Variants in FAM171A2 observed in about 807,000 individuals in gnomAD.
FAM171A2 encodes protein FAM171A2.
In FAM171A2, 13 loss-of-function variants were observed where a neutral mutation model predicts 34.2. The observed-to-expected ratio is 0.38, with a 90% CI of 0.25 to 0.60. The LOEUF is 0.60. FAM171A2 is among the 20% of genes least tolerant of loss of function. The pLI, the probability that FAM171A2 is intolerant of heterozygous loss-of-function variation, is 0.62. For missense variants in FAM171A2, 950 were observed against 1,180.7 expected (o/e 0.80, Z 2.86); for synonymous variants, 475 against 561.2 (o/e 0.85, Z 2.17).
Position 44,354,574 on chromosome 17 carries a change from A to G in FAM171A2, c.1640T>C (p.Val547Ala). 1 of 1,219,130 alleles carries G rather than the reference A, an allele frequency of 8.2e-7. No homozygotes were observed. Among genetic ancestry groups the G allele is most frequent in the Non-Finnish European group, 1.0e-6 (1 of 979,034 alleles). 75.5% of individuals were successfully genotyped at this position (1,219,130 alleles called of 1,614,324 possible). ...MPTLVIPAHY[V>A]RLGGEAGAAG... is the part of the protein sequence containing the mutation. ...GGCGCCCGCCTCGCCGCCGAGGCGC[A>G]CGTAGTGCGCGGGGATCACCAGGGT... Residue 547 changes from valine to alanine, a missense_variant, in exon 8 of 8, where the codon GTG becomes GCG. By Grantham distance (64) the Val-to-Ala change is moderately conservative. This residue lies in a region of FAM171A2 where 752 missense variants were observed against 924.5 expected (regional missense o/e 0.81). Coordinates refer to ENST00000293443, the MANE Select transcript of FAM171A2 (RefSeq NM_198475.3). This position sits in a 1 kb window ranked among gnomAD's most constrained non-coding sequence, Gnocchi z 5.8.
chr17:44,360,505 T>C (rs980023586), intron 1 of FAM171A2, among the ~76,000 whole-genome samples: 24 of 152,216 alleles, frequency 1.6e-4, no homozygotes, highest in African/African-American at 5.1e-4. Context: ...TGATAATATA[T>C]GCTCTTAGTC....
At position 44,353,692 on chromosome 17, in the gene FAM171A2, G is replaced by C. The variant is rs1032146333; in HGVS notation, c.*41C>G. 1 of 1,259,306 alleles carries C rather than the reference G, an allele frequency of 7.9e-7. No individual in the cohort carries two copies. The highest frequency in any genetic ancestry group is 1.6e-5 in the African/African-American group (1 of 62,846). The allele number at this position is 1,259,306 out of a possible 1,614,324, so 78.0% of individuals were successfully genotyped here. A position where few individuals can be genotyped will look rare whatever the true frequency, so the allele number is the denominator to read the frequency against. ...CCCCCGGGGCGCGCACCCTGGGTGC[G>C]GGCCCGCGCGGGAGGGGCGGTGCCA... On this transcript the variant is annotated 3_prime_UTR_variant, in exon 8 of 8. Transcript: ENST00000293443.
intron 1 of FAM171A2, among the ~76,000 whole-genome samples, chr17:44,361,618 C>T (rs1041916640): frequency 1.3e-5 from 2 of 152,176 alleles, no homozygotes; most frequent in Non-Finnish European, 2.9e-5. Context: ...CCTCCCAGGC[C>T]AGAGCCCAAC....
Position 44,357,199 on chromosome 17 carries a change from T to G in FAM171A2, c.440-611A>C, listed in dbSNP as rs561056325. On this transcript the variant is annotated intron_variant, in intron 3 of 7. Coordinates refer to ENST00000293443, the MANE Select transcript of FAM171A2 (RefSeq NM_198475.3). The stretch of plus-strand genomic sequence containing the variant: ...CCTGACTCTCTTAAAAATACAAAAT[T>G]AGCTGGGTGTGGTGGTGCATTCCTG... 8.6e-5 allele frequency among the ~76,000 whole-genome samples: 13 copies of G among 151,706 alleles called. No individual in the cohort carries two copies. The South Asian group carries it at 2.7e-3, about 32-fold the overall frequency.
intron 3 of FAM171A2, among the ~76,000 whole-genome samples, chr17:44,357,806 A>G (rs1281036386): frequency 2.6e-5 from 4 of 151,752 alleles, no homozygotes; most frequent in African/African-American, 7.3e-5. Flanking sequence ...CAATATGGTC[A>G]CAGCTAACAT....
At chr17:44,363,100 C>A (rs1352127926) in intron 1 of FAM171A2, among the ~76,000 whole-genome samples, 1 of 152,104 alleles carries the variant, frequency 6.6e-6, no homozygotes, top group African/African-American at 2.4e-5. Context: ...CACAGCCTCA[C>A]CCACTCCCCC....
chr17:44,356,452 C>CAGGAAGGCACTG lies in FAM171A2; in HGVS notation c.575_576insCAGTGCCTTCCT (p.Leu192_Gly193insSerAlaPheLeu). ...TACCTGAGCTGGAGGCCTCAGTGCC[C>CAGGAAGGCACTG]AGGAAGGCAGGGAAAGCCCGCATTT... is the stretch of plus-strand genomic sequence containing the variant. On this transcript the variant is annotated inframe_insertion, in exon 4 of 8. Coordinates refer to ENST00000293443, the MANE Select transcript of FAM171A2 (RefSeq NM_198475.3). 1 of 1,551,066 alleles carries CAGGAAGGCACTG rather than the reference C, an allele frequency of 6.4e-7. No homozygotes were observed. Among genetic ancestry groups the CAGGAAGGCACTG allele is most frequent in the Non-Finnish European group, 8.7e-7 (1 of 1,146,956 alleles).
chr17:44,355,617 T>A lies in FAM171A2; in HGVS notation c.1022+98A>T, dbSNP rs1177238535. ...AGCATGTTTGCAGGAAGTCTTTTCCTGTCTGCCCCTTGAGGACCAGAAGTG... is the reference window on the plus strand; with the variant it reads ...AGCATGTTTGCAGGAAGTCTTTTCCAGTCTGCCCCTTGAGGACCAGAAGTG... On this transcript the variant is annotated intron_variant, in intron 7 of 7. Coordinates refer to ENST00000293443, the MANE Select transcript of FAM171A2 (RefSeq NM_198475.3). The surrounding 1 kb of genome is among the most constrained non-coding windows in gnomAD (Gnocchi z 4.1). 1.6e-5 allele frequency: 23 copies of A among 1,479,046 alleles called. No homozygotes were observed. The highest frequency in any genetic ancestry group is 1.9e-5 in the Non-Finnish European group (21 of 1,095,310). 91.6% of individuals were successfully genotyped at this position (1,479,046 alleles called of 1,614,324 possible).
chr17:44,354,954 C>T lies in FAM171A2; in HGVS notation c.1260G>A (p.Pro420=). Reference sequence around the variant, plus strand: ...CGGCGGCCGGGCGGCTGGCAGAGCGCGGCTTGGTGCGGAAGAAGTCATCCC... The same window carrying T: ...CGGCGGCCGGGCGGCTGGCAGAGCGTGGCTTGGTGCGGAAGAAGTCATCCC... ...SSRDDFFRTK[P]RSASRPAAEP... is the part of the protein sequence containing the mutation. The change falls in exon 8 of 8, where the codon CCG becomes CCA. Residue 420 remains proline (P), a synonymous_variant. Coordinates refer to ENST00000293443, the MANE Select transcript of FAM171A2 (RefSeq NM_198475.3). This position sits in a 1 kb window ranked among gnomAD's most constrained non-coding sequence, Gnocchi z 5.8. The T allele has an allele frequency of 6.9e-7, 1 of 1,448,254 alleles. No individual in the cohort carries two copies. Among genetic ancestry groups the T allele is most frequent in the Non-Finnish European group, 9.1e-7 (1 of 1,102,564 alleles). 89.7% of individuals were successfully genotyped at this position (1,448,254 alleles called of 1,614,324 possible).
chr17:44,354,857 G>A lies in FAM171A2; in HGVS notation c.1357C>T (p.Leu453=). The A allele has an allele frequency of 1.6e-6, 2 of 1,280,096 alleles. No homozygotes were observed. Among genetic ancestry groups the A allele is most frequent in the Non-Finnish European group, 2.0e-6 (2 of 1,016,328 alleles). The allele number at this position is 1,280,096 out of a possible 1,614,324, so 79.3% of individuals were successfully genotyped here. ...GARSAEGPGG[L]EPGLEEHRRG... ...CGGTGCTCCTCTAGGCCGGGCTCCAGCCCGCCGGGGCCCTCGGCCGAGCGA... is the reference window on the plus strand; with the variant it reads ...CGGTGCTCCTCTAGGCCGGGCTCCAACCCGCCGGGGCCCTCGGCCGAGCGA... The change falls in exon 8 of 8, where the codon CTG becomes TTG. Residue 453 remains leucine, a synonymous_variant. Transcript: ENST00000293443. This position sits in a 1 kb window ranked among gnomAD's most constrained non-coding sequence, Gnocchi z 5.8.
Position 44,354,142 on chromosome 17 carries a change from T to A in FAM171A2, c.2072A>T (p.Asp691Val). 1 of 1,210,418 alleles carries A rather than the reference T, an allele frequency of 8.3e-7. No individual in the cohort carries two copies. The highest frequency in any genetic ancestry group is 1.0e-6 in the Non-Finnish European group (1 of 968,430). 75.0% of individuals were successfully genotyped at this position (1,210,418 alleles called of 1,614,324 possible). Residue 691 changes from aspartate (D) to valine (V), a missense_variant, in exon 8 of 8, where the codon GAT becomes GTT. Transcript: ENST00000293443. The surrounding 1 kb of genome is among the most constrained non-coding windows in gnomAD (Gnocchi z 5.8). Reference protein sequence around the residue: ...STDASLDSGVDVHEARPARRR... With the variant: ...STDASLDSGVVVHEARPARRR... ...GCGCGCGGGCCGCGCCTCGTGGACA[T>A]CTACGCCCGAGTCCAGGCTGGCGTC...
intron 1 of FAM171A2, among the ~76,000 whole-genome samples, chr17:44,362,962 T>G (rs2048453851): frequency 2.0e-5 from 3 of 152,176 alleles, no homozygotes; most frequent in African/African-American, 4.8e-5. Flanking sequence ...GGCCCACAAC[T>G]GCGGCTCGTC....
intron 1 of FAM171A2, among the ~76,000 whole-genome samples, chr17:44,362,452 C>G (rs1037114010): frequency 3.2e-4 from 48 of 152,334 alleles, no homozygotes; most frequent in African/African-American, 1.1e-3. Flanking sequence ...ATCCGGACCC[C>G]ACTTCCCTCA....
intron 1 of FAM171A2, among the ~76,000 whole-genome samples, chr17:44,360,418 A>G (rs2048443719): frequency 6.6e-6 from 1 of 152,220 alleles, no homozygotes. Context: ...TGCCATCGTT[A>G]TAACTGGCAG....
rs920115048 is a variant in FAM171A2, at chr17:44,362,822, TG to T, written c.118+774del. On this transcript the variant is annotated intron_variant, in intron 1 of 7. Coordinates refer to ENST00000293443, the MANE Select transcript of FAM171A2 (RefSeq NM_198475.3). ...CAGGAATGCCAGGAGGCCTGCTGAA[TG>T]GGGGGGGACCCAGGCACCTGCCCTC... 2.4e-4 allele frequency among the ~76,000 whole-genome samples: 37 copies of T among 151,184 alleles called. No homozygotes were observed. In the East Asian group the frequency reaches 4.9e-3, roughly 20 times the overall value.
chr17:44,354,400 C>T lies in FAM171A2; in HGVS notation c.1814G>A (p.Gly605Glu). The change falls in exon 8 of 8, where the codon GGG becomes GAG. Residue 605 changes from glycine (G) to glutamate (E), a missense_variant. Transcript: ENST00000293443. This position sits in a 1 kb window ranked among gnomAD's most constrained non-coding sequence, Gnocchi z 5.8. ...ACTGACGGGCGCCGCGCGCCCGGCCCCCCAGCCCTCGCCGCCGCCCCCGCC... is the reference window on the plus strand; with the variant it reads ...ACTGACGGGCGCCGCGCGCCCGGCCTCCCAGCCCTCGCCGCCGCCCCCGCC... The part of the protein sequence containing the change: ...EGGGGGGEGW[G>E]AGRAAPVSGS... The T allele has an allele frequency of 8.2e-7, 1 of 1,224,450 alleles. No homozygotes were observed. The highest frequency in any genetic ancestry group is 1.0e-6 in the Non-Finnish European group (1 of 972,822). 75.8% of individuals were successfully genotyped at this position (1,224,450 alleles called of 1,614,324 possible).
At position 44,353,292 on chromosome 17, in the gene FAM171A2, A is replaced by G; in HGVS notation, c.*441T>C. The G allele has an allele frequency of 5.1e-6, 1 of 196,800 alleles. No homozygotes were observed. The allele number at this position is 196,800 out of a possible 1,614,324, so 12.2% of individuals were successfully genotyped here. On this transcript the variant is annotated 3_prime_UTR_variant, in exon 8 of 8. Coordinates refer to ENST00000293443, the MANE Select transcript of FAM171A2 (RefSeq NM_198475.3). Reference sequence around the variant, plus strand: ...ACCCCCTAGTCCCCAGAGCTGTCCCAGCCACCAGCCCTGTGACATCGTAGC... The same window carrying G: ...ACCCCCTAGTCCCCAGAGCTGTCCCGGCCACCAGCCCTGTGACATCGTAGC...
chr17:44,360,797 T>C (rs993068933), intron 1 of FAM171A2, among the ~76,000 whole-genome samples: 1 of 152,210 alleles, frequency 6.6e-6, no homozygotes, highest in Non-Finnish European at 1.5e-5. Flanking sequence ...ACTAGGAAAC[T>C]GGTCATTCCC....
chr17:44,355,856 G>A lies in FAM171A2; in HGVS notation c.896-15C>T. 1 of 1,551,564 alleles carries A rather than the reference G, an allele frequency of 6.4e-7. No individual in the cohort carries two copies. The highest frequency in any genetic ancestry group is 1.4e-5 in the African/African-American group (1 of 73,162). ...GGTGACCAGCCCTGTGCCAGGCGAG[G>A]GCTTAGCGTTCAGGTGTAGACACCC... On this transcript the variant is annotated splice_polypyrimidine_tract_variant and intron_variant, in intron 6 of 7. Coordinates refer to ENST00000293443, the MANE Select transcript of FAM171A2 (RefSeq NM_198475.3). This position sits in a 1 kb window ranked among gnomAD's most constrained non-coding sequence, Gnocchi z 4.1.
Sources: gnomAD v4.1 joint callset for allele counts (sites outside exome capture counted in the v4.1 genomes callset) on GRCh38, gnomAD v4.1.1 for gene constraint, gnomAD v4.1.1 regional missense constraint, Gnocchi (gnomAD v3.1) non-coding constraint, MANE v1.5 for transcripts, NCBI Gene and HGNC (gene_info 2026-07-23, HGNC 2026-07-21) for gene names.